PDPN: variants seen among roughly 807,000 people sequenced by gnomAD.
PDPN encodes the protein PA2.26 antigen.
Under a neutral mutation model 23.2 loss-of-function variants are expected in PDPN, and 12 were observed. That is an observed-to-expected ratio of 0.52 (90% CI 0.33 to 0.84). The LOEUF (loss-of-function observed/expected upper bound fraction) is 0.84. Ranked by LOEUF, PDPN falls within the 40% of genes least tolerant of loss-of-function variation. The pLI is 0.02. For synonymous variants in PDPN, 77 were observed against 76.7 expected (o/e 1.00, Z -0.02); for missense variants, 199 against 212.2 (o/e 0.94, Z 0.39).
At chr1:13,602,341 G>A (rs1640668496) in intron 1 of PDPN, among the ~76,000 whole-genome samples, 1 of 151,482 alleles carries the variant, frequency 6.6e-6, no homozygotes, top group African/African-American at 2.4e-5. Flanking sequence ...AAAAAAAAAT[G>A]CCAGCAGCAT....
At chr1:13,607,654 G>A (rs976211865) in intron 2 of PDPN, among the ~76,000 whole-genome samples, 2 of 152,214 alleles carry the variant, frequency 1.3e-5, no homozygotes, top group African/African-American at 4.8e-5. Context: ...CTTAGCTGGT[G>A]TGCTGATCAC....
In PDPN at chr1:13,615,952, A is replaced by G; in HGVS notation, c.*41A>G. 6.2e-7 allele frequency: 1 copy of G among 1,600,068 alleles called. No individual in the cohort carries two copies. Among genetic ancestry groups the G allele is most frequent in the Non-Finnish European group, 8.6e-7 (1 of 1,167,250 alleles). ...CGCCCTGCTGCCAACGTGCTTAAAAAAAGACCGTTTCTGACTCTGTGCCCT... is the reference window on the plus strand; with the variant it reads ...CGCCCTGCTGCCAACGTGCTTAAAAGAAGACCGTTTCTGACTCTGTGCCCT... On this transcript the variant is annotated 3_prime_UTR_variant, in exon 6 of 6. Transcript: ENST00000621990.
At chr1:13,612,997 TA>T (rs71570151) in intron 3 of PDPN, among the ~76,000 whole-genome samples, 15,463 of 115,672 alleles carry the variant, frequency 0.13, 899 homozygotes, top group Admixed American at 0.25. Context: ...AAGACATTTT[TA>T]TTTTTAAATA....
At chr1:13,599,272 G>A (rs2100239853) in intron 1 of PDPN, among the ~76,000 whole-genome samples, 1 of 151,424 alleles carries the variant, frequency 6.6e-6, no homozygotes, top group African/African-American at 2.4e-5. Flanking sequence ...GCCTCCCAAA[G>A]TGCTGGTGGG....
At position 13,584,152 on chromosome 1, in the gene PDPN, CAG is replaced by C. The variant is rs761117346; in HGVS notation, c.67+56_67+57del. On this transcript the variant is annotated intron_variant, in intron 1 of 5. Coordinates refer to ENST00000621990, the MANE Select transcript of PDPN (RefSeq NM_006474.5). ...GCCGTCGCTGATGGGGACGAGCGAG[CAG>C]AGACTTGCTGGAATGCCCGGGCCTG... The C allele has an allele frequency of 3.8e-6, 6 of 1,589,772 alleles. No homozygotes were observed. The African/African-American group carries it at 8.1e-5, about 21-fold the overall frequency.
rs115023963 is a variant in PDPN at position 13,586,430 on chromosome 1, C to T, written c.67+2330C>T. Among the ~76,000 whole-genome samples, 1,060 of 152,130 alleles carry T rather than the reference C, an allele frequency of 7.0e-3. 8 individuals carry two copies. Among genetic ancestry groups the T allele is most frequent in the African/African-American group, 0.024 (1,001 of 41,482 alleles). On this transcript the variant is annotated intron_variant, in intron 1 of 5. Coordinates refer to ENST00000621990, the MANE Select transcript of PDPN (RefSeq NM_006474.5). The stretch of plus-strand genomic sequence containing the variant: ...AAAAGCACAATTTAAAAAATGTGTC[C>T]GGGCATGAGAAGGCTAAGTCTGGAC...
chr1:13,595,985 G>T (rs1226554259), intron 1 of PDPN: 1 of 662,148 alleles, frequency 1.5e-6, no homozygotes, highest in Non-Finnish European at 2.3e-6. Context: ...ATCACCTGAG[G>T]TCAGGAGTTT....
intron 1 of PDPN, among the ~76,000 whole-genome samples, chr1:13,589,518 T>A (rs1640278111): frequency 6.6e-6 from 1 of 152,160 alleles, no homozygotes; most frequent in South Asian, 2.1e-4. Flanking sequence ...TGTGAACCCC[T>A]TTCTAAGCCC....
In PDPN at chr1:13,583,972, T is replaced by C. The variant is rs758533099; in HGVS notation, c.-62T>C. ...GGCCTGTGGCCGCGGTGCTTTTTAA[T>C]TTTCCCCCAGCTCAGAATCTTGCTG... On this transcript the variant is annotated 5_prime_UTR_variant, in exon 1 of 6. Coordinates refer to ENST00000621990, the MANE Select transcript of PDPN (RefSeq NM_006474.5). The C allele has an allele frequency of 3.1e-6, 5 of 1,613,648 alleles. No homozygotes were observed. Among genetic ancestry groups the C allele is most frequent in the Non-Finnish European group, 4.2e-6 (5 of 1,179,964 alleles).
upstream of PDPN, chr1:13,583,814 T>G: frequency 6.5e-7 from 1 of 1,546,904 alleles, no homozygotes; most frequent in Non-Finnish European, 8.7e-7. Context: ...AAATGCTGAC[T>G]CCGCTCGGAA....
In PDPN at chr1:13,583,991, C is replaced by G. The variant is rs775336326; in HGVS notation, c.-43C>G. ...TTTTAATTTTCCCCCAGCTCAGAATCTTGCTGCTCGGCCCCCAGGAGAGCA... is the reference window on the plus strand; with the variant it reads ...TTTTAATTTTCCCCCAGCTCAGAATGTTGCTGCTCGGCCCCCAGGAGAGCA... On this transcript the variant is annotated 5_prime_UTR_variant, in exon 1 of 6. It adds an upstream start codon to the 5' untranslated region. Transcript: ENST00000621990. 48 of 1,613,520 alleles carry G rather than the reference C, an allele frequency of 3.0e-5. No individual in the cohort carries two copies. Among genetic ancestry groups the G allele is most frequent in the Admixed American group, 2.8e-4 (17 of 60,010 alleles).
intron 1 of PDPN, among the ~76,000 whole-genome samples, chr1:13,600,645 G>A (rs943752590): frequency 2.0e-5 from 3 of 152,158 alleles, no homozygotes; most frequent in East Asian, 1.9e-4. Flanking sequence ...GATTATAGAC[G>A]TGAGCCACCG....
At chr1:13,615,686 A>C (rs138825647) in intron 5 of PDPN, among the ~76,000 whole-genome samples, 17 of 152,258 alleles carry the variant, frequency 1.1e-4, no homozygotes, top group South Asian at 4.1e-4. Flanking sequence ...TACAGGGGAC[A>C]ACACAGCTGT....
intron 3 of PDPN, among the ~76,000 whole-genome samples, chr1:13,612,881 T>G (rs1369850804): frequency 1.9e-5 from 1 of 52,708 alleles, no homozygotes; most frequent in African/African-American, 8.9e-5. Context: ...TGATTGATGA[T>G]TAACTTCTAA....
intron 5 of PDPN, among the ~76,000 whole-genome samples, chr1:13,615,088 G>A (rs943252643): frequency 2.6e-5 from 4 of 152,244 alleles, no homozygotes; most frequent in Non-Finnish European, 2.9e-5. Context: ...CAGCCCATTC[G>A]GATTAGGAGT....
intron 1 of PDPN, 147 bp from the exon 2 acceptor site, chr1:13,607,026 G>T: frequency 1.4e-6 from 1 of 729,160 alleles, no homozygotes. Context: ...TTTGGTTTCT[G>T]GCACCACAGT....
intron 3 of PDPN, among the ~76,000 whole-genome samples, chr1:13,612,946 A>T (rs907384740): frequency 6.6e-6 from 1 of 152,104 alleles, no homozygotes; most frequent in African/African-American, 2.4e-5. Context: ...GCCACCACCC[A>T]GAGGAGTTAA....
intron 3 of PDPN, among the ~76,000 whole-genome samples, chr1:13,612,349 C>T (rs1468107934): frequency 9.9e-5 from 15 of 152,112 alleles, no homozygotes; most frequent in Admixed American, 8.5e-4. Flanking sequence ...GGAAATATGG[C>T]ACTAATAAGC....
chr1:13,615,399 C>T (rs1258379367), intron 5 of PDPN, among the ~76,000 whole-genome samples: 1 of 151,836 alleles, frequency 6.6e-6, no homozygotes, highest in African/African-American at 2.4e-5. Context: ...GATTCCCCTG[C>T]CTCCGCCTCT....
Sources: gnomAD v4.1 joint callset for allele counts (sites outside exome capture counted in the v4.1 genomes callset) on GRCh38, gnomAD v4.1.1 for gene constraint, MANE v1.5 for transcripts, NCBI Gene and HGNC (gene_info 2026-07-23, HGNC 2026-07-21) for gene names.